The following ANK3 variants were observed in gnomAD, a reference collection of about 807,000 sequenced individuals.
The protein encoded by ANK3 is ankyrin 3.
Under a neutral mutation model 370.9 loss-of-function variants are expected in ANK3, and 57 were observed. The observed-to-expected ratio is 0.15, with a 90% CI of 0.12 to 0.19. ANK3 has a LOEUF of 0.19. Among genes scored for constraint, ANK3 ranks in the 10% least tolerant of loss-of-function variants. The pLI is 1.00. For missense variants in ANK3, 4,439 were observed against 5,302.1 expected, an observed-to-expected ratio of 0.84 and a Z score of 5.06; for synonymous variants, 1,929 against 1,946.3, an observed-to-expected ratio of 0.99 and a Z score of 0.23.
intron 2 of ANK3, among the ~76,000 whole-genome samples, chr10:60,468,232 T>A (rs2065054137): frequency 6.6e-6 from 1 of 152,010 alleles, no homozygotes; most frequent in Non-Finnish European, 1.5e-5. Context: ...GATCTGCCCA[T>A]CTCGGCCTCC....
At chr10:60,427,810 G>A (rs1487440758) in intron 2 of ANK3, among the ~76,000 whole-genome samples, 1 of 152,126 alleles carries the variant, frequency 6.6e-6, no homozygotes, top group Admixed American at 6.6e-5. Flanking sequence ...AGGTCACCAG[G>A]TTAGTTGGTG....
chr10:60,509,397 C>T lies in ANK3; in HGVS notation c.96+105789G>A, dbSNP rs2076023591. ...ATTTGAGGCATAAACTAGTAGTATC[C>T]TCATTTTTTTTGTAAACAAGGAAGA... On this transcript the variant is annotated intron_variant, in intron 2 of 43. Coordinates refer to the ANK3 transcript ENST00000373827. Among the ~76,000 whole-genome samples, 3 of 152,016 alleles carry T rather than the reference C, an allele frequency of 2.0e-5. No homozygotes were observed. In the South Asian group the frequency reaches 6.2e-4, roughly 32 times the overall value.
chr10:60,380,728 G>A (rs1012633298), intron 1 of ANK3, among the ~76,000 whole-genome samples: 1 of 152,060 alleles, frequency 6.6e-6, no homozygotes, highest in African/African-American at 2.4e-5. Flanking sequence ...AAATCACAGA[G>A]GGTCTATGAT....
chr10:60,476,255 T>A lies in ANK3; in HGVS notation c.96+138931A>T, dbSNP rs375697614. On this transcript the variant is annotated intron_variant, in intron 2 of 43. Coordinates refer to the ANK3 transcript ENST00000373827. Reference sequence around the variant, plus strand: ...AAAATCATGTTCATAATGAAGGAGTTAATAAAGTTGAAGGAACAAAAGGAG... The same window carrying A: ...AAAATCATGTTCATAATGAAGGAGTAAATAAAGTTGAAGGAACAAAAGGAG... Among the ~76,000 whole-genome samples the A allele has an allele frequency of 9.9e-5, 15 of 152,246 alleles. No homozygotes were observed. In the South Asian group the frequency reaches 2.9e-3, roughly 29 times the overall value.
intron 36 of ANK3, among the ~76,000 whole-genome samples, chr10:60,078,048 G>A (rs946559786): frequency 2.0e-5 from 3 of 152,184 alleles, no homozygotes; most frequent in African/African-American, 7.2e-5. Context: ...GCCTGCCAAC[G>A]GCTAATGTTC....
At chr10:60,586,658 T>C (rs1320803835) in intron 2 of ANK3, among the ~76,000 whole-genome samples, 1 of 152,180 alleles carries the variant, frequency 6.6e-6, no homozygotes, top group African/African-American at 2.4e-5. Flanking sequence ...ACAATGTGTA[T>C]TCTATACAAT....
chr10:60,347,485 T>A (rs144395981), intron 1 of ANK3, among the ~76,000 whole-genome samples: 152 of 152,156 alleles, frequency 1.0e-3, no homozygotes, highest in Middle Eastern at 3.4e-3. Flanking sequence ...AAGTATTTGC[T>A]GTGTGATGTT....
At position 60,155,538 on chromosome 10, in the gene ANK3, C is replaced by T. The variant is rs553158552; in HGVS notation, c.2614+11053G>A. Among the ~76,000 whole-genome samples the T allele has an allele frequency of 1.5e-4, 23 of 152,220 alleles. No individual in the cohort carries two copies. In the East Asian group the frequency reaches 4.4e-3, roughly 29 times the overall value. On this transcript the variant is annotated intron_variant, in intron 23 of 43. Transcript: ENST00000280772. The stretch of plus-strand genomic sequence containing the variant: ...GTCCTTGGACAAGCTCTGGTGCTAC[C>T]CTGGTCTTGGAGGTTGTGATAGTTA...
intron 1 of ANK3, among the ~76,000 whole-genome samples, chr10:60,618,088 C>G (rs2078288230): frequency 6.6e-6 from 1 of 151,978 alleles, no homozygotes; most frequent in South Asian, 2.1e-4. Flanking sequence ...ACAGAGGAAA[C>G]TGATTTTTAA....
At chr10:60,542,185 T>C (rs1239916791) in intron 2 of ANK3, among the ~76,000 whole-genome samples, 2 of 151,856 alleles carry the variant, frequency 1.3e-5, no homozygotes, top group East Asian at 3.9e-4. Context: ...TTTGGACTCA[T>C]TTGATGGTAC....
chr10:60,144,696 A>T (rs2094726562), intron 23 of ANK3, among the ~76,000 whole-genome samples: 1 of 152,212 alleles, frequency 6.6e-6, no homozygotes, highest in Non-Finnish European at 1.5e-5. Context: ...GGAAAACAAT[A>T]CAAAATAGAA....
At chr10:60,199,988 C>T in intron 13 of ANK3, 141 bp downstream of exon 13, 3 of 627,510 alleles carry the variant, frequency 4.8e-6, no homozygotes, top group Non-Finnish European at 8.4e-6. Context: ...TACAATGTTA[C>T]TTGGGTAGGG....
chr10:60,408,026 T>C (rs2063487877), intron 2 of ANK3, among the ~76,000 whole-genome samples: 1 of 152,210 alleles, frequency 6.6e-6, no homozygotes, highest in Non-Finnish European at 1.5e-5. Context: ...TGCCATCTGC[T>C]CAGGCAACTT....
At chr10:60,517,835 TG>T (rs2076257939) in intron 2 of ANK3, among the ~76,000 whole-genome samples, 1 of 151,962 alleles carries the variant, frequency 6.6e-6, no homozygotes, top group Admixed American at 6.6e-5. Flanking sequence ...AATCAGCCAC[TG>T]GGGCCTCCCT....
At chr10:60,555,275 C>T (rs895104673) in intron 2 of ANK3, among the ~76,000 whole-genome samples, 4 of 151,898 alleles carry the variant, frequency 2.6e-5, no homozygotes, top group African/African-American at 9.7e-5. Flanking sequence ...AGTTCGGGGC[C>T]AGCCTGGGCA....
Position 60,292,714 on chromosome 10 carries a change from T to TC in ANK3, c.115-13076_115-13075insG, listed in dbSNP as rs1257111348. On this transcript the variant is annotated intron_variant, in intron 1 of 43. Transcript: ENST00000280772. ...CCACTGGGGTCCTAGACTTTCTTTC[T>TC]TTTTTTTTTTTTTTGACGGAGTCTC... Among the ~76,000 whole-genome samples, 5 of 16,928 alleles carry TC rather than the reference T, an allele frequency of 3.0e-4. No homozygotes were observed. The East Asian group carries it at 8.7e-3, about 30-fold the overall frequency. The allele number at this position is 16,928 out of a possible 152,430, so 11.1% of individuals were successfully genotyped here. A position where few individuals can be genotyped will look rare whatever the true frequency, so the allele number is the denominator to read the frequency against.
At chr10:60,193,726 T>G (rs1261167479) in intron 16 of ANK3, among the ~76,000 whole-genome samples, 1 of 152,176 alleles carries the variant, frequency 6.6e-6, no homozygotes, top group Non-Finnish European at 1.5e-5. Flanking sequence ...AATTTTACAC[T>G]GCTTTTTGTG....
At chr10:60,626,595 C>G (rs2078413390) in intron 1 of ANK3, among the ~76,000 whole-genome samples, 1 of 152,118 alleles carries the variant, frequency 6.6e-6, no homozygotes, top group South Asian at 2.1e-4. Flanking sequence ...TCCTCACAGC[C>G]AGTTGATTTA....
Position 60,400,009 on chromosome 10 carries a change from AGTGTGTGTGTGTGTGTGTGT to A in ANK3, c.97-120390_97-120371del, listed in dbSNP as rs60224309. Among the ~76,000 whole-genome samples the A allele has an allele frequency of 2.5e-3, 358 of 145,852 alleles. 1 individual carries two copies. Among genetic ancestry groups the A allele is most frequent in the African/African-American group, 6.5e-3 (254 of 38,802 alleles). On this transcript the variant is annotated intron_variant, in intron 2 of 43. Transcript: ENST00000373827. The stretch of plus-strand genomic sequence containing the variant: ...AAATATAAATCAAAACCTCCAATAC[AGTGTGTGTGTGTGTGTGTGT>A]GTGTGTGTGTGTGTGTGTGTGTGTG...
Sources: allele counts gnomAD v4.1 joint callset (sites outside exome capture counted in the v4.1 genomes callset), GRCh38; gene constraint gnomAD v4.1.1; transcripts MANE v1.5; gene names NCBI Gene and HGNC (gene_info 2026-07-23, HGNC 2026-07-21).